FBN3: variants seen among roughly 807,000 people sequenced by gnomAD.
FBN3 encodes the protein fibrillin-3.
A neutral mutation model predicts 330.1 loss-of-function variants in FBN3; 234 were observed. The observed-to-expected ratio is 0.71, with a 90% CI of 0.64 to 0.79. The LOEUF is 0.79. FBN3 is among the 30% of genes least tolerant of loss of function. FBN3 has a pLI of 0.00. For synonymous variants in FBN3, 1,458 were observed against 1,517.3 expected, an observed-to-expected ratio of 0.96 and a Z score of 0.91; for missense variants, 3,606 against 3,886.9, an observed-to-expected ratio of 0.93 and a Z score of 1.92.
At chr19:8,072,574 G>A (rs964433457) in intron 62 of FBN3, among the ~76,000 whole-genome samples, 1 of 152,114 alleles carries the variant, frequency 6.6e-6, no homozygotes. Context: ...CCCTGAGTGT[G>A]CCTGGGGATG....
chr19:8,097,543 A>G (rs2082238548), intron 41 of FBN3, 129 bp from the exon 42 acceptor site: 18 of 1,070,146 alleles, frequency 1.7e-5, no homozygotes, highest in Non-Finnish European at 2.3e-5. Flanking sequence ...CACACTCAAG[A>G]AAATCTTGCT....
Position 8,144,949 on chromosome 19 carries a change from T to C in FBN3, c.469A>G (p.Asn157Asp). 1 of 1,611,510 alleles carries C rather than the reference T, an allele frequency of 6.2e-7. No individual in the cohort carries two copies. The highest frequency in any genetic ancestry group is 8.5e-7 in the Non-Finnish European group (1 of 1,179,546). Residue 157 changes from asparagine to aspartate, a missense_variant, in exon 6 of 64, where the codon AAT becomes GAT. Asn to Asp is a conservative substitution (Grantham distance 23). Coordinates refer to ENST00000600128, the MANE Select transcript of FBN3 (RefSeq NM_032447.5). Reference protein sequence around the residue: ...GQPICDRGCHNGGRCIGPNRC... With the variant: ...GQPICDRGCHDGGRCIGPNRC... ...TTGGGCCCAATGCAGCGACCCCCAT[T>C]GTGGCAGCCGCGGTCACAGATGGCT...
At chr19:8,101,467 C>T (rs960652910) in intron 40 of FBN3, among the ~76,000 whole-genome samples, 3 of 152,214 alleles carry the variant, frequency 2.0e-5, no homozygotes, top group African/African-American at 7.2e-5. Context: ...ACACTCTGTT[C>T]AGTCCTGCCT....
Position 8,072,030 on chromosome 19 carries a change from G to C in FBN3, c.8088+18C>G. 6.2e-7 allele frequency: 1 copy of C among 1,608,528 alleles called. No homozygotes were observed. The highest frequency in any genetic ancestry group is 2.2e-5 in the East Asian group (1 of 44,714). The stretch of plus-strand genomic sequence containing the variant: ...CCCATTCCCTGGCCACCCCTGCCTA[G>C]TGCAGCACCCATGTCACCTGGTGGT... On this transcript the variant is annotated intron_variant, in intron 63 of 63. Coordinates refer to ENST00000600128, the MANE Select transcript of FBN3 (RefSeq NM_032447.5).
In FBN3 at chr19:8,109,712, C is replaced by T. The variant is rs376575940; in HGVS notation, c.4375G>A (p.Val1459Met). 13 of 1,546,722 alleles carry T rather than the reference C, an allele frequency of 8.4e-6. No individual in the cohort carries two copies. Among genetic ancestry groups the T allele is most frequent in the Admixed American group, 2.0e-5 (1 of 49,178 alleles). Residue 1459 changes from valine (V) to methionine (M), a missense_variant, in exon 35 of 64, where the codon GTG becomes ATG. Transcript: ENST00000600128. This position sits in a 1 kb window ranked among gnomAD's most constrained non-coding sequence, Gnocchi z 5.2. ...CADPVNCING[V>M]CINTPGSYLC... ...TAGCTGCCGGGGGTGTTAATGCACA[C>T]GCCGTTGATGCAGTTTACTGGGTCT...
rs1317167479 is a variant in FBN3 at position 8,139,928 on chromosome 19, G to C, written c.866-1364C>G. The stretch of plus-strand genomic sequence containing the variant: ...AACATGCAAATGTTTCTACCTCCCT[G>C]GTCCCCTCCCCTTGCACCTGGGGGC... On this transcript the variant is annotated intron_variant, in intron 8 of 63. Coordinates refer to ENST00000600128, the MANE Select transcript of FBN3 (RefSeq NM_032447.5). Among the ~76,000 whole-genome samples, 3 of 151,762 alleles carry C rather than the reference G, an allele frequency of 2.0e-5. No individual in the cohort carries two copies. The East Asian group carries it at 5.9e-4, about 30-fold the overall frequency.
chr19:8,124,890 A>T (rs1263855437), intron 22 of FBN3, among the ~76,000 whole-genome samples: 2 of 152,198 alleles, frequency 1.3e-5, no homozygotes, highest in Admixed American at 6.5e-5. Context: ...AATGGTGAAC[A>T]TACGTCATTA....
At chr19:8,138,684 G>T in intron 8 of FBN3, 120 bp from the exon 9 acceptor site, 1 of 1,035,636 alleles carries the variant, frequency 9.7e-7, no homozygotes, top group Non-Finnish European at 1.4e-6. Flanking sequence ...CTGTGCCTCA[G>T]TTTCCTCTCC....
chr19:8,082,801 T>TC (rs1378518576), intron 57 of FBN3, among the ~76,000 whole-genome samples: 33 of 151,944 alleles, frequency 2.2e-4, no homozygotes, highest in African/African-American at 7.7e-4. Context: ...GCCTGTTTTT[T>TC]TTTTTCTTTC....
chr19:8,116,646 G>T, intron 29 of FBN3, 28 bp downstream of exon 29: 3 of 808,922 alleles, frequency 3.7e-6, no homozygotes, highest in African/African-American at 1.8e-5. Flanking sequence ...TCCTCCACCC[G>T]CCCCGCCCCA....
At chr19:8,116,914 C>T in intron 28 of FBN3, 115 bp from the exon 29 acceptor site, 1 of 1,329,690 alleles carries the variant, frequency 7.5e-7, no homozygotes, top group Non-Finnish European at 1.0e-6. Flanking sequence ...GCGATGGTCA[C>T]TCGAGTAGTC....
Position 8,105,988 on chromosome 19 carries a change from CA to C in FBN3, c.4813+119del, listed in dbSNP as rs1243712224. On this transcript the variant is annotated intron_variant, in intron 38 of 63. Coordinates refer to ENST00000600128, the MANE Select transcript of FBN3 (RefSeq NM_032447.5). ...TGACAGATCATGACAAAAGAGGAGGCAGGGGGCAGAAGCCTTTCCATGAGGC... is the reference window on the plus strand; with the variant it reads ...TGACAGATCATGACAAAAGAGGAGGCGGGGGCAGAAGCCTTTCCATGAGGC... The C allele has an allele frequency of 3.5e-6, 4 of 1,151,070 alleles. No homozygotes were observed. In the East Asian group the frequency reaches 9.9e-5, roughly 29 times the overall value. 71.3% of individuals were successfully genotyped at this position (1,151,070 alleles called of 1,614,324 possible).
intron 59 of FBN3, among the ~76,000 whole-genome samples, chr19:8,077,492 A>G (rs1411599438): frequency 6.6e-6 from 1 of 152,034 alleles, no homozygotes; most frequent in African/African-American, 2.4e-5. Context: ...TACAAAAATT[A>G]GCTGGATGTG....
chr19:8,075,058 C>A lies in FBN3; in HGVS notation c.7702+13G>T. ...GTGGAGGGCCCAGCTTCTTCCCAGC[C>A]CTTTTCACTCACCCACACACTGGGC... On this transcript the variant is annotated intron_variant, in intron 61 of 63. Coordinates refer to ENST00000600128, the MANE Select transcript of FBN3 (RefSeq NM_032447.5). 6.2e-7 allele frequency: 1 copy of A among 1,602,820 alleles called. No individual in the cohort carries two copies. Among genetic ancestry groups the A allele is most frequent in the Non-Finnish European group, 8.5e-7 (1 of 1,174,786 alleles).
Position 8,102,760 on chromosome 19 carries a change from T to C in FBN3, c.5053A>G (p.Asn1685Asp). The C allele has an allele frequency of 6.2e-7, 1 of 1,614,046 alleles. No individual in the cohort carries two copies. Among genetic ancestry groups the C allele is most frequent in the Non-Finnish European group, 8.5e-7 (1 of 1,180,032 alleles). The change falls in exon 40 of 64, where the codon AAT (asparagine) becomes GAT (aspartate). Residue 1685 changes from asparagine to aspartate, a missense_variant. Asn to Asp is a conservative substitution (Grantham distance 23). Coordinates refer to ENST00000600128, the MANE Select transcript of FBN3 (RefSeq NM_032447.5). ...GTGGGGCAGGCCTCACAGGGTCTAT[T>C]CCAGGCCTGGCCAATGTTGTAGGAG... Reference protein sequence around the residue: ...CCSYNIGQAWNRPCEACPTPI... With the variant: ...CCSYNIGQAWDRPCEACPTPI...
At chr19:8,068,637 G>C (rs2081444143) in intron 63 of FBN3, among the ~76,000 whole-genome samples, 1 of 151,770 alleles carries the variant, frequency 6.6e-6, no homozygotes, top group African/African-American at 2.4e-5. Context: ...AGGAGTTCAA[G>C]GCTGCAGTGA....
At chr19:8,144,840 G>T in intron 6 of FBN3, 37 bp downstream of exon 6, 2 of 1,514,974 alleles carry the variant, frequency 1.3e-6, no homozygotes, top group Non-Finnish European at 1.8e-6. Flanking sequence ...CCTCCATCGA[G>T]TCCCCTGTCT....
At chr19:8,087,358 C>T (rs2081987459) in intron 53 of FBN3, 147 bp from the exon 54 acceptor site, 1 of 895,230 alleles carries the variant, frequency 1.1e-6, no homozygotes, top group African/African-American at 1.7e-5. Flanking sequence ...GGAAGGGAGC[C>T]CCCAGCTCCT....
Position 8,109,808 on chromosome 19 carries a change from C to A in FBN3, c.4334-55G>T. On this transcript the variant is annotated intron_variant, in intron 34 of 63. Coordinates refer to ENST00000600128, the MANE Select transcript of FBN3 (RefSeq NM_032447.5). The surrounding 1 kb of genome is among the most constrained non-coding windows in gnomAD (Gnocchi z 5.2). ...GGAGCCCCTTCCTCGGCCCCCCTCCCTCCTAGCTTCATCCTGGGAAGCTAC... is the reference window on the plus strand; with the variant it reads ...GGAGCCCCTTCCTCGGCCCCCCTCCATCCTAGCTTCATCCTGGGAAGCTAC... 1 of 1,439,858 alleles carries A rather than the reference C, an allele frequency of 6.9e-7. No individual in the cohort carries two copies. Among genetic ancestry groups the A allele is most frequent in the South Asian group, 1.7e-5 (1 of 60,388 alleles). The allele number at this position is 1,439,858 out of a possible 1,614,324, so 89.2% of individuals were successfully genotyped here.
Sources: allele counts gnomAD v4.1 joint callset (sites outside exome capture counted in the v4.1 genomes callset), GRCh38; gene constraint gnomAD v4.1.1; non-coding constraint Gnocchi (gnomAD v3.1); transcripts MANE v1.5; gene names NCBI Gene and HGNC (gene_info 2026-07-23, HGNC 2026-07-21).